Variants in PHEX observed in about 807,000 individuals in gnomAD.
PHEX encodes phosphate-regulating neutral endopeptidase PHEX.
A neutral mutation model predicts 68.0 loss-of-function variants in PHEX; 16 were observed. The observed-to-expected ratio is 0.24, with a 90% confidence interval of 0.16 to 0.36. PHEX has a LOEUF of 0.36. Ranked by LOEUF, PHEX falls within the 10% of genes least tolerant of loss-of-function variation. The probability of loss-of-function intolerance (pLI) is 1.00; values close to 1 mark genes in which losing one functional copy is unlikely to be tolerated. For missense variants in PHEX, 480 were observed against 575.5 expected, an observed-to-expected ratio of 0.83 and a Z score of 1.70; for synonymous variants, 208 against 205.1, an observed-to-expected ratio of 1.01 and a Z score of -0.12.
intron 1 of PHEX, among the ~76,000 whole-genome samples, chrX:22,034,393 C>A (rs745610780): frequency 1.2e-4 from 14 of 112,360 alleles, no homozygotes; most frequent in African/African-American, 4.5e-4. Context: ...CTGCACGAAA[C>A]TTTTACAAAA....
chrX:22,233,215 G>A (rs1446240923), intron 20 of PHEX, among the ~76,000 whole-genome samples: 1 of 111,584 alleles, frequency 9.0e-6, no homozygotes, highest in Non-Finnish European at 1.9e-5. Context: ...TGGGTAACCC[G>A]ACCTTTCTCT....
chrX:22,105,298 T>G (rs1387329562), intron 9 of PHEX, among the ~76,000 whole-genome samples: 6 of 112,567 alleles, frequency 5.3e-5, no homozygotes, highest in African/African-American at 1.9e-4. Context: ...TTGAGCTGTG[T>G]GTGCAGAACG....
intron 9 of PHEX, among the ~76,000 whole-genome samples, chrX:22,103,978 G>A (rs1041607123): frequency 1.8e-5 from 2 of 111,543 alleles, no homozygotes; most frequent in African/African-American, 3.3e-5. Context: ...TTATTTTTTT[G>A]ATTTTTGATT....
At chrX:22,042,770 G>T (rs965622394) in intron 2 of PHEX, among the ~76,000 whole-genome samples, 21 of 111,683 alleles carry the variant, frequency 1.9e-4, no homozygotes, top group African/African-American at 6.5e-4. Context: ...AACCCCAAGG[G>T]GGAGGTTGCA....
intron 11 of PHEX, among the ~76,000 whole-genome samples, chrX:22,120,121 C>T (rs1157842852): frequency 8.9e-6 from 1 of 111,757 alleles, no homozygotes; most frequent in African/African-American, 3.3e-5. Flanking sequence ...GTTTAACTAG[C>T]TGTCTGGTAT....
chrX:22,241,014 A>T (rs1222029299), intron 20 of PHEX, among the ~76,000 whole-genome samples: 1 of 112,054 alleles, frequency 8.9e-6, no homozygotes, highest in Admixed American at 9.5e-5. Flanking sequence ...AAAATTGACC[A>T]CATAGTTGGA....
chrX:22,075,602 G>A (rs146426836), intron 3 of PHEX, among the ~76,000 whole-genome samples: 2,345 of 110,962 alleles, frequency 0.021, 23 homozygotes, highest in Middle Eastern at 0.037. Flanking sequence ...TCTCTTTTTC[G>A]GGAGAGGGTT....
Position 22,212,957 on chromosome X carries a change from C to A in PHEX, c.1699C>A (p.Arg567=), listed in dbSNP as rs137853271. The A allele has an allele frequency of 8.4e-7, 1 of 1,186,775 alleles. No homozygotes were observed. Among genetic ancestry groups the A allele is most frequent in the Non-Finnish European group, 1.1e-6 (1 of 872,724 alleles). ...TTTCTTTTGGGGAACAGAATATCCT[C>A]GGTGAGTAAATGAGTACAGAAACCA... ...KPFFWGTEYP[R]SLSYGAIGVI... The change falls in exon 16 of 22, where the codon CGA becomes AGA. Residue 567 remains arginine (R), a splice_region_variant and synonymous_variant. Coordinates refer to ENST00000379374, the MANE Select transcript of PHEX (RefSeq NM_000444.6).
intron 8 of PHEX, among the ~76,000 whole-genome samples, chrX:22,098,795 CAAAAA>C (rs746223770): frequency 6.1e-3 from 69 of 11,330 alleles, no homozygotes; most frequent in African/African-American, 0.015. Context: ...GAGAATGTCT[CAAAAA>C]AAAAAAAAAA....
chrX:22,185,756 G>GTTTTTTGTTTTTTT (rs1207128506), intron 14 of PHEX, among the ~76,000 whole-genome samples: 1 of 87,796 alleles, frequency 1.1e-5, no homozygotes, highest in Non-Finnish European at 2.1e-5. Context: ...CTCGTTTGTG[G>GTTTTTTGTTTTTTT]TTTTTTTTTT....
chrX:22,167,679 G>A (rs1198319428), intron 12 of PHEX, among the ~76,000 whole-genome samples: 1 of 108,073 alleles, frequency 9.3e-6, no homozygotes, highest in Non-Finnish European at 1.9e-5. Flanking sequence ...TATTTTTGTA[G>A]AGACAGGGTC....
intron 15 of PHEX, 93 bp downstream of exon 15, chrX:22,190,595 C>A (rs1934168471): frequency 3.1e-6 from 2 of 648,582 alleles, no homozygotes; most frequent in South Asian, 2.2e-5. Flanking sequence ...TTTCTTATTT[C>A]CCCCAAAAGT....
intron 12 of PHEX, among the ~76,000 whole-genome samples, chrX:22,154,746 G>C (rs1006918838): frequency 8.9e-6 from 1 of 111,839 alleles, no homozygotes; most frequent in African/African-American, 3.3e-5. Context: ...CCACAAATTT[G>C]TGTTTTCAAC....
chrX:22,097,437 A>G (rs1326598983), intron 8 of PHEX, among the ~76,000 whole-genome samples: 1 of 112,123 alleles, frequency 8.9e-6, no homozygotes, highest in African/African-American at 3.2e-5. Context: ...TCACAGCTCC[A>G]TATATCACAT....
chrX:22,128,596 G>A (rs5951704), intron 11 of PHEX, among the ~76,000 whole-genome samples: 18,651 of 110,815 alleles, frequency 0.17, 2,435 homozygotes, highest in African/African-American at 0.44. Flanking sequence ...AAAATTTGCT[G>A]AAGATCTTTT....
At chrX:22,209,705 T>TTTCTTCC (rs1934833383) in intron 15 of PHEX, among the ~76,000 whole-genome samples, 1 of 87,483 alleles carries the variant, frequency 1.1e-5, no homozygotes, top group African/African-American at 4.6e-5. Flanking sequence ...TCCCTCTCCC[T>TTTCTTCC]CTCTTCCCTC....
chrX:22,186,312 A>T (rs1934032185), intron 14 of PHEX, among the ~76,000 whole-genome samples: 1 of 111,725 alleles, frequency 9.0e-6, no homozygotes. Flanking sequence ...ACCTTTAATT[A>T]CCTAGCCTTG....
At chrX:22,224,814 C>G (rs1935391001) in intron 18 of PHEX, among the ~76,000 whole-genome samples, 1 of 107,596 alleles carries the variant, frequency 9.3e-6, no homozygotes, top group South Asian at 4.3e-4. Context: ...TTGCTTGATA[C>G]CTGGGTGACT....
intron 12 of PHEX, among the ~76,000 whole-genome samples, chrX:22,159,422 G>T (rs1273317005): frequency 2.7e-5 from 3 of 112,027 alleles, no homozygotes; most frequent in African/African-American, 9.7e-5. Flanking sequence ...GATGTGGGAG[G>T]ATTGCTTGAG....
Sources: allele counts gnomAD v4.1 joint callset (sites outside exome capture counted in the v4.1 genomes callset), GRCh38; gene constraint gnomAD v4.1.1; transcripts MANE v1.5; gene names NCBI Gene and HGNC (gene_info 2026-07-23, HGNC 2026-07-21).